Variants in ZNF215 observed in about 807,000 individuals in gnomAD.
The protein encoded by ZNF215 is zinc finger protein 215.
Under a neutral mutation model 27.2 loss-of-function variants are expected in ZNF215, and 24 were observed. That is an observed-to-expected ratio of 0.88 (90% confidence interval 0.64 to 1.24). The LOEUF is 1.24. ZNF215 is among the 50% of genes most tolerant of loss of function. ZNF215 has a pLI of 0.00. For synonymous variants in ZNF215, 210 were observed against 204.0 expected, an observed-to-expected ratio of 1.03 and a Z score of -0.25; for missense variants, 675 against 605.7, an observed-to-expected ratio of 1.11 and a Z score of -1.20.
At chr11:6,976,237 T>C (rs1396075755) in intron 5 of ZNF215, among the ~76,000 whole-genome samples, 1 of 152,056 alleles carries the variant, frequency 6.6e-6, no homozygotes, top group African/African-American at 2.4e-5. Context: ...AAAGGAATTA[T>C]TTCTTAAAAG....
chr11:6,954,359 G>T (rs1355671889), intron 6 of ZNF215, among the ~76,000 whole-genome samples: 1 of 152,240 alleles, frequency 6.6e-6, no homozygotes, highest in Non-Finnish European at 1.5e-5. Context: ...ACAGAGGCAC[G>T]AAGGCCTCCT....
At chr11:6,930,159 G>A (rs1288596633) in intron 2 of ZNF215, among the ~76,000 whole-genome samples, 1 of 149,442 alleles carries the variant, frequency 6.7e-6, no homozygotes, top group Non-Finnish European at 1.5e-5. Context: ...GATGCCCCAT[G>A]CTTATGTTGC....
intron 5 of ZNF215, among the ~76,000 whole-genome samples, chr11:6,983,626 A>C (rs1851005370): frequency 6.6e-6 from 1 of 152,236 alleles, no homozygotes; most frequent in Admixed American, 6.5e-5. Context: ...TTTAAAAACT[A>C]GAACATAGAT....
At chr11:6,950,847 C>A (rs2133266269) in intron 6 of ZNF215, among the ~76,000 whole-genome samples, 1 of 150,092 alleles carries the variant, frequency 6.7e-6, no homozygotes, top group South Asian at 2.1e-4. Flanking sequence ...TTTGTCCATT[C>A]AGTATGATAT....
At chr11:6,934,196 A>G (rs1317331283) in intron 3 of ZNF215, among the ~76,000 whole-genome samples, 1 of 152,226 alleles carries the variant, frequency 6.6e-6, no homozygotes, top group Non-Finnish European at 1.5e-5. Flanking sequence ...GAACCAGAAA[A>G]GATTGGTATC....
chr11:6,946,258 A>G (rs1005532805), intron 6 of ZNF215, among the ~76,000 whole-genome samples: 1 of 152,120 alleles, frequency 6.6e-6, no homozygotes, highest in Non-Finnish European at 1.5e-5. Flanking sequence ...TACTGCAACC[A>G]AGGAGATCAG....
At chr11:6,938,767 T>A (rs934472183) in intron 3 of ZNF215, among the ~76,000 whole-genome samples, 1 of 152,240 alleles carries the variant, frequency 6.6e-6, no homozygotes, top group Non-Finnish European at 1.5e-5. Flanking sequence ...TAAATTAATA[T>A]GGGGCTCTTT....
chr11:6,986,495 T>C (rs556323616), downstream of ZNF215, among the ~76,000 whole-genome samples: 2 of 137,662 alleles, frequency 1.5e-5, no homozygotes, highest in Non-Finnish European at 3.2e-5. Context: ...TAAGTCCTCT[T>C]GCAACAAACC....
At chr11:6,982,659 T>A (rs1370206834) in intron 5 of ZNF215, among the ~76,000 whole-genome samples, 2 of 151,986 alleles carry the variant, frequency 1.3e-5, no homozygotes, top group African/African-American at 4.8e-5. Flanking sequence ...GAATGACTAC[T>A]GGGTACATAA....
rs1158190788 is a variant in ZNF215, at chr11:6,932,479, C to T, written c.207C>T (p.Leu69=). 1 of 1,614,184 alleles carries T rather than the reference C, an allele frequency of 6.2e-7. No homozygotes were observed. Among genetic ancestry groups the T allele is most frequent in the East Asian group, 2.2e-5 (1 of 44,884 alleles). The stretch of plus-strand genomic sequence containing the variant: ...GGCCCCATGAAGCCCTGAGCCAACT[C>T]TGGGAGCTCTGTCTTCAATGGCTGA... ...VSGPHEALSQ[L]WELCLQWLRP... The change falls in exon 3 of 7, where the codon CTC becomes CTT. Residue 69 remains leucine (L), a synonymous_variant. Coordinates refer to ENST00000278319, the MANE Select transcript of ZNF215 (RefSeq NM_013250.4).
chr11:6,973,506 C>T (rs1314434891), intron 5 of ZNF215, among the ~76,000 whole-genome samples: 2 of 152,182 alleles, frequency 1.3e-5, no homozygotes, highest in Non-Finnish European at 2.9e-5. Flanking sequence ...AGTTTACAGT[C>T]CCACCACCAG....
intron 5 of ZNF215, chr11:6,984,036 C>A: frequency 2.9e-6 from 1 of 341,228 alleles, no homozygotes; most frequent in Non-Finnish European, 5.6e-6. Context: ...TAAAAATTAA[C>A]ATACTCTCAA....
chr11:6,955,950 AT>A lies in ZNF215; in HGVS notation c.975del (p.Pro326LeufsTer20). 6.2e-7 allele frequency: 1 copy of A among 1,613,090 alleles called. No individual in the cohort carries two copies. Among genetic ancestry groups the A allele is most frequent in the South Asian group, 1.1e-5 (1 of 90,708 alleles). ...CTCAATTTGTGCTATACAAGTGGGAATTCCTTCAAGAAAGGGGTCTCCAAAA... is the reference window on the plus strand; with the variant it reads ...CTCAATTTGTGCTATACAAGTGGGAATCCTTCAAGAAAGGGGTCTCCAAAA... Reference protein sequence around the residue: ...VSSICAIQVGIPSRKGSPKCD... With the variant: ...VSSICAIQVGXPSRKGSPKCD... On this transcript the variant is annotated frameshift_variant, in exon 7 of 7. Transcript: ENST00000278319. LOFTEE classifies it low-confidence loss of function (END_TRUNC).
Position 6,942,083 on chromosome 11 carries a change from A to C in ZNF215, c.483+430A>C, listed in dbSNP as rs73401509. ...AATATTTAAGGGAGAAATGCTTTAA[A>C]GGGTCAAAATAATACAGCCCAAGTA... is the stretch of plus-strand genomic sequence containing the variant. On this transcript the variant is annotated intron_variant, in intron 4 of 6. Transcript: ENST00000278319. Among the ~76,000 whole-genome samples the C allele has an allele frequency of 5.4e-3, 817 of 152,328 alleles. 6 individuals carry two copies. Among genetic ancestry groups the C allele is most frequent in the African/African-American group, 0.017 (708 of 41,568 alleles).
intron 5 of ZNF215, among the ~76,000 whole-genome samples, chr11:6,967,818 T>G (rs558721219): frequency 1.3e-5 from 2 of 152,226 alleles, no homozygotes; most frequent in Non-Finnish European, 2.9e-5. Context: ...CTATTTTGGC[T>G]TTTGTTGCCA....
At chr11:6,989,199 T>C (rs1449765461), downstream of ZNF215, among the ~76,000 whole-genome samples, 1 of 146,094 alleles carries the variant, frequency 6.8e-6, no homozygotes, top group African/African-American at 2.5e-5. Context: ...GCAAAAGTAA[T>C]TGCACTTTTT....
At chr11:6,968,206 A>G (rs1003565273) in intron 5 of ZNF215, among the ~76,000 whole-genome samples, 1 of 152,150 alleles carries the variant, frequency 6.6e-6, no homozygotes, top group Admixed American at 6.5e-5. Flanking sequence ...TATAGTTTGA[A>G]GTCAGGTAGC....
chr11:6,957,731 G>C lies in ZNF215; in HGVS notation c.*1200G>C, dbSNP rs1850422582. On this transcript the variant is annotated 3_prime_UTR_variant, in exon 7 of 7. Transcript: ENST00000278319. ...CCTAAGAACCTATTGATGATGTTCA[G>C]TGCAGACTTACTGTACCTTTGGGAA... 7.1e-6 allele frequency: 7 copies of C among 985,102 alleles called. No individual in the cohort carries two copies. Among genetic ancestry groups the C allele is most frequent in the Non-Finnish European group, 8.4e-6 (7 of 829,772 alleles). The allele number at this position is 985,102 out of a possible 1,614,324, so 61.0% of individuals were successfully genotyped here.
intron 3 of ZNF215, among the ~76,000 whole-genome samples, chr11:6,940,944 C>T (rs1250860402): frequency 6.6e-6 from 1 of 152,176 alleles, no homozygotes; most frequent in Non-Finnish European, 1.5e-5. Flanking sequence ...GAAAACTTCA[C>T]AGACCAGTGT....
Sources: allele counts gnomAD v4.1 joint callset (sites outside exome capture counted in the v4.1 genomes callset), GRCh38; gene constraint gnomAD v4.1.1; transcripts MANE v1.5; gene names NCBI Gene and HGNC (gene_info 2026-07-23, HGNC 2026-07-21).